Variants in AUTS2 observed in about 807,000 individuals in gnomAD.
AUTS2 encodes activator of transcription and developmental regulator AUTS2, also known as autism susceptibility gene 2 protein.
In AUTS2, 17 loss-of-function variants were observed where a neutral mutation model predicts 112.4. The observed-to-expected ratio is 0.15, with a 90% CI of 0.10 to 0.23. The LOEUF (loss-of-function observed/expected upper bound fraction) is 0.23, where lower values mean the gene tolerates loss of function less well. Among genes scored for constraint, AUTS2 ranks in the 10% least tolerant of loss-of-function variants. The pLI, the probability that AUTS2 is intolerant of heterozygous loss-of-function variation, is 1.00. For synonymous variants in AUTS2, 751 were observed against 702.7 expected, an observed-to-expected ratio of 1.07 and a Z score of -1.09; for missense variants, 1,510 against 1,701.6, an observed-to-expected ratio of 0.89 and a Z score of 1.98.
chr7:70,192,051 T>A (rs1809927955), intron 4 of AUTS2, among the ~76,000 whole-genome samples: 1 of 152,150 alleles, frequency 6.6e-6, no homozygotes, highest in African/African-American at 2.4e-5. Flanking sequence ...CCTAACTCCT[T>A]GTTTTACCTC....
intron 5 of AUTS2, among the ~76,000 whole-genome samples, chr7:70,544,441 C>G (rs190738423): frequency 6.6e-6 from 1 of 152,116 alleles, no homozygotes; most frequent in East Asian, 1.9e-4. Context: ...CTAGTTAGGC[C>G]GAGAAATGAT....
chr7:70,772,173 C>A (rs1790393641), intron 11 of AUTS2, among the ~76,000 whole-genome samples: 1 of 152,172 alleles, frequency 6.6e-6, no homozygotes, highest in Admixed American at 6.5e-5. Flanking sequence ...TGGTCGCCTC[C>A]CATTTTGGTC....
intron 1 of AUTS2, among the ~76,000 whole-genome samples, chr7:69,747,061 GT>G (rs1246601912): frequency 6.6e-6 from 1 of 152,178 alleles, no homozygotes; most frequent in African/African-American, 2.4e-5. Flanking sequence ...TAGCATCTGT[GT>G]TTTCACAAAT....
At chr7:70,177,219 G>GTTTCTAAGTGTACTAAGCATGT (rs1809035926) in intron 4 of AUTS2, among the ~76,000 whole-genome samples, 1 of 152,196 alleles carries the variant, frequency 6.6e-6, no homozygotes, top group Admixed American at 6.5e-5. Context: ...GCCAAGTACT[G>GTTTCTAAGTGTACTAAGCATGT]TTCTAAGCAT....
At chr7:69,748,527 T>C (rs1041729699) in intron 1 of AUTS2, among the ~76,000 whole-genome samples, 2 of 152,190 alleles carry the variant, frequency 1.3e-5, no homozygotes, top group African/African-American at 4.8e-5. Context: ...AGTAACAGTT[T>C]CTGGTGAAGC....
Position 70,419,512 on chromosome 7 carries a change from C to A in AUTS2, c.661-16240C>A, listed in dbSNP as rs186235250. 1.3e-3 allele frequency among the ~76,000 whole-genome samples: 196 copies of A among 152,120 alleles called. 2 individuals carry two copies. Among genetic ancestry groups the A allele is most frequent in the Admixed American group, 0.011 (165 of 15,282 alleles). ...AGTCTATCTTAGCAGATTTCGTGGC[C>A]CTTGCTATGTGCTGACAGTAGCCAT... On this transcript the variant is annotated intron_variant, in intron 4 of 18. Coordinates refer to ENST00000342771, the MANE Select transcript of AUTS2 (RefSeq NM_015570.4).
chr7:69,680,347 C>G (rs1796736039), intron 1 of AUTS2, among the ~76,000 whole-genome samples: 1 of 152,212 alleles, frequency 6.6e-6, no homozygotes, highest in South Asian at 2.1e-4. Flanking sequence ...CATGAAATCA[C>G]TTTAAACAGC....
chr7:70,711,350 C>A (rs1382951189), intron 6 of AUTS2, among the ~76,000 whole-genome samples: 1 of 152,176 alleles, frequency 6.6e-6, no homozygotes, highest in Non-Finnish European at 1.5e-5. Flanking sequence ...TTATCTTATT[C>A]AAATATCCTA....
At position 70,306,674 on chromosome 7, in the gene AUTS2, T is replaced by G. The variant is rs189317859; in HGVS notation, c.661-129078T>G. ...ATGATGCGTAGAACTTTCAGTCTAG[T>G]TTTTACAAGAAAAAGAAAAGAACTG... is the stretch of plus-strand genomic sequence containing the variant. On this transcript the variant is annotated intron_variant, in intron 4 of 18. Transcript: ENST00000342771. 9.2e-5 allele frequency among the ~76,000 whole-genome samples: 14 copies of G among 152,264 alleles called. No homozygotes were observed. In the East Asian group the frequency reaches 2.7e-3, roughly 29 times the overall value.
At chr7:70,149,304 G>A (rs1584793139) in intron 4 of AUTS2, among the ~76,000 whole-genome samples, 1 of 151,928 alleles carries the variant, frequency 6.6e-6, no homozygotes, top group Non-Finnish European at 1.5e-5. Context: ...AACTGTAAGC[G>A]GTTTGGAGAC....
intron 2 of AUTS2, among the ~76,000 whole-genome samples, chr7:70,075,210 C>T (rs1022397105): frequency 6.6e-6 from 1 of 152,204 alleles, no homozygotes; most frequent in African/African-American, 2.4e-5. Flanking sequence ...CAACATAGCT[C>T]AGAAACTACT....
chr7:69,949,761 G>A (rs1796955542), intron 2 of AUTS2, among the ~76,000 whole-genome samples: 1 of 152,126 alleles, frequency 6.6e-6, no homozygotes, highest in Non-Finnish European at 1.5e-5. Flanking sequence ...CCTGGTTGTA[G>A]CCTGGCTCTT....
chr7:69,962,231 A>G (rs1443474838), intron 2 of AUTS2, among the ~76,000 whole-genome samples: 2 of 151,858 alleles, frequency 1.3e-5, no homozygotes, highest in African/African-American at 4.8e-5. Context: ...TCCCTTAAGG[A>G]CTCTAAACCA....
chr7:69,981,473 T>G (rs966536668), intron 2 of AUTS2, among the ~76,000 whole-genome samples: 11 of 152,316 alleles, frequency 7.2e-5, no homozygotes, highest in Non-Finnish European at 1.0e-4. Flanking sequence ...TATTTCAAAT[T>G]AATTAATTTC....
At chr7:70,031,285 GA>G (rs1369634522) in intron 2 of AUTS2, among the ~76,000 whole-genome samples, 1 of 152,132 alleles carries the variant, frequency 6.6e-6, no homozygotes, top group Non-Finnish European at 1.5e-5. Context: ...GAAAACAGGA[GA>G]GCAGCCTCTA....
chr7:70,692,615 T>C (rs955479133), intron 5 of AUTS2, among the ~76,000 whole-genome samples: 1 of 152,138 alleles, frequency 6.6e-6, no homozygotes, highest in Non-Finnish European at 1.5e-5. Context: ...AAATCACTGT[T>C]ACCTATATTT....
intron 5 of AUTS2, among the ~76,000 whole-genome samples, chr7:70,615,118 TTTCC>T (rs1804288995): frequency 1.3e-5 from 2 of 152,218 alleles, no homozygotes. Context: ...CTGTCGTCTT[TTTCC>T]TTTCCCAGGC....
intron 5 of AUTS2, among the ~76,000 whole-genome samples, chr7:70,505,653 C>T (rs543329762): frequency 1.4e-4 from 22 of 152,292 alleles, no homozygotes; most frequent in African/African-American, 4.8e-4. Flanking sequence ...CACGTGGCTC[C>T]TGTGAACCGT....
intron 4 of AUTS2, among the ~76,000 whole-genome samples, chr7:70,355,172 T>C (rs1440465711): frequency 6.6e-6 from 1 of 151,856 alleles, no homozygotes; most frequent in Non-Finnish European, 1.5e-5. Context: ...CTTAACGAGT[T>C]TCCGATCCTA....
Sources: gnomAD v4.1 joint callset for allele counts (sites outside exome capture counted in the v4.1 genomes callset) on GRCh38, gnomAD v4.1.1 for gene constraint, MANE v1.5 for transcripts, NCBI Gene and HGNC (gene_info 2026-07-23, HGNC 2026-07-21) for gene names.